The following HTR2C variants were observed in gnomAD, a reference collection of about 807,000 sequenced individuals.
HTR2C encodes 5-hydroxytryptamine receptor 2C.
A neutral mutation model predicts 21.0 loss-of-function variants in HTR2C; 5 were observed. The ratio of observed to expected loss-of-function variants is 0.24; its 90% CI spans 0.12 to 0.50. HTR2C has a LOEUF of 0.50. Among genes scored for constraint, HTR2C ranks in the 20% least tolerant of loss-of-function variants. The pLI is 0.98. For synonymous variants in HTR2C, 150 were observed against 145.3 expected (o/e 1.03, Z -0.23); for missense variants, 271 against 371.2 (o/e 0.73, Z 2.22).
At chrX:114,633,765 T>TTCTCTCTC (rs782141679) in intron 2 of HTR2C, among the ~76,000 whole-genome samples, 1 of 109,724 alleles carries the variant, frequency 9.1e-6, no homozygotes, top group African/African-American at 3.3e-5. Flanking sequence ...AAAGGCATCA[T>TTCTCTCTC]TCTCTCTCTC....
At chrX:114,869,194 G>A (rs1174687095) in intron 5 of HTR2C, among the ~76,000 whole-genome samples, 2 of 111,571 alleles carry the variant, frequency 1.8e-5, no homozygotes, top group African/African-American at 6.5e-5. Context: ...TGGCTGCATA[G>A]TATTCCATGG....
Position 114,826,081 on chromosome X carries a change from CTTT to C in HTR2C, c.350-21909_350-21907del, listed in dbSNP as rs35488941. 8.4e-5 allele frequency among the ~76,000 whole-genome samples: 8 copies of C among 94,751 alleles called. 1 individual carries two copies. Among genetic ancestry groups the C allele is most frequent in the Non-Finnish European group, 1.3e-4 (6 of 47,518 alleles). The allele number at this position is 94,751 out of a possible 115,157, so 82.3% of individuals were successfully genotyped here. A position where few individuals can be genotyped will look rare whatever the true frequency, so the allele number is the denominator to read the frequency against. On this transcript the variant is annotated intron_variant, in intron 4 of 5. Transcript: ENST00000276198. ...ATCTGAAATAATCCAAAATCAAAAA[CTTT>C]TTTTTTTTTTTTGAGACAGGGTTTT...
intron 4 of HTR2C, among the ~76,000 whole-genome samples, chrX:114,759,672 C>T (rs1556431629): frequency 9.0e-6 from 1 of 110,967 alleles, no homozygotes; most frequent in East Asian, 2.8e-4. Flanking sequence ...GGCCCCAATT[C>T]GTCAATCTCA....
At chrX:114,718,948 TATATTAATATTA>T (rs1314175410) in intron 2 of HTR2C, among the ~76,000 whole-genome samples, 1 of 98,016 alleles carries the variant, frequency 1.0e-5, no homozygotes, top group Admixed American at 1.3e-4. Context: ...TAATATAAAT[TATATTAATATTA>T]ATATTAATAT....
intron 4 of HTR2C, among the ~76,000 whole-genome samples, chrX:114,798,241 T>C (rs1415721308): frequency 9.0e-6 from 1 of 110,618 alleles, no homozygotes; most frequent in Non-Finnish European, 1.9e-5. Flanking sequence ...GTGAGGTGAA[T>C]TGATTGTTCT....
At chrX:114,587,434 A>G (rs1372017775) in intron 1 of HTR2C, among the ~76,000 whole-genome samples, 1 of 111,849 alleles carries the variant, frequency 8.9e-6, no homozygotes, top group African/African-American at 3.2e-5. Flanking sequence ...AAGAACTGCT[A>G]AATTATGTTC....
intron 2 of HTR2C, among the ~76,000 whole-genome samples, chrX:114,680,870 AT>A (rs1156608520): frequency 9.0e-6 from 1 of 111,331 alleles, no homozygotes. Context: ...TTTAATGTTA[AT>A]TTTTTTTAAA....
At chrX:114,776,009 C>G (rs1292997232) in intron 4 of HTR2C, 2 of 408,984 alleles carry the variant, frequency 4.9e-6, no homozygotes, top group Admixed American at 8.2e-5. Flanking sequence ...TCTTATAGCT[C>G]TCTTCTTCTC....
chrX:114,906,885 G>T lies in HTR2C; in HGVS notation c.847G>T (p.Asp283Tyr), dbSNP rs782047384. 8.3e-7 allele frequency: 1 copy of T among 1,208,696 alleles called. No individual in the cohort carries two copies. The highest frequency in any genetic ancestry group is 1.8e-5 in the African/African-American group (1 of 56,553). The change falls in exon 6 of 6, where the codon GAC (aspartate) becomes TAC (tyrosine). Residue 283 changes from aspartate to tyrosine, a missense_variant. Asp to Tyr is a radical substitution (Grantham distance 160, BLOSUM62 -3). Transcript: ENST00000276198. ...AGAGAACTCTGCAAACCCTAACCAAGACCAGAACGCACGCCGAAGAAAGAA... is the reference window on the plus strand; with the variant it reads ...AGAGAACTCTGCAAACCCTAACCAATACCAGAACGCACGCCGAAGAAAGAA... ...EEENSANPNQ[D>Y]QNARRRKKKE... is the part of the protein sequence containing the mutation.
chrX:114,707,808 T>A (rs1208601784), intron 2 of HTR2C, among the ~76,000 whole-genome samples: 1 of 110,683 alleles, frequency 9.0e-6, no homozygotes, highest in Non-Finnish European at 1.9e-5. Context: ...ACTCTACCAT[T>A]TCAGTTTTAG....
chrX:114,616,218 T>G (rs1928943347), intron 2 of HTR2C, among the ~76,000 whole-genome samples: 1 of 109,779 alleles, frequency 9.1e-6, no homozygotes, highest in Non-Finnish European at 1.9e-5. Flanking sequence ...AGCCTGATAT[T>G]CTTTGGGTTG....
At chrX:114,726,391 A>C (rs1436926993) in intron 2 of HTR2C, among the ~76,000 whole-genome samples, 1 of 112,023 alleles carries the variant, frequency 8.9e-6, no homozygotes, top group Non-Finnish European at 1.9e-5. Flanking sequence ...CGGTGCGTGC[A>C]CCCACTGACC....
intron 5 of HTR2C, among the ~76,000 whole-genome samples, chrX:114,859,695 A>G (rs1602887167): frequency 9.0e-6 from 1 of 110,686 alleles, no homozygotes; most frequent in African/African-American, 3.3e-5. Context: ...TGTCATTGAC[A>G]TCTAATTTTA....
At chrX:114,787,037 T>G (rs2070182102) in intron 4 of HTR2C, among the ~76,000 whole-genome samples, 1 of 111,791 alleles carries the variant, frequency 8.9e-6, no homozygotes, top group Non-Finnish European at 1.9e-5. Flanking sequence ...AATTACAATT[T>G]TCGACATCTG....
intron 5 of HTR2C, among the ~76,000 whole-genome samples, chrX:114,882,640 T>C: frequency 9.0e-6 from 1 of 111,054 alleles, no homozygotes; most frequent in Non-Finnish European, 1.9e-5. Flanking sequence ...TTACTTTAAT[T>C]GGCTTTCAGA....
At chrX:114,731,819 A>G (rs1221927432) in intron 4 of HTR2C, among the ~76,000 whole-genome samples, 1 of 111,680 alleles carries the variant, frequency 9.0e-6, no homozygotes, top group Non-Finnish European at 1.9e-5. Context: ...TATATATTAA[A>G]ATCATACATA....
intron 2 of HTR2C, among the ~76,000 whole-genome samples, chrX:114,664,509 C>T (rs782596139): frequency 6.3e-5 from 7 of 111,825 alleles, no homozygotes; most frequent in Non-Finnish European, 1.1e-4. Flanking sequence ...CTGAGGATAA[C>T]GGCTTCAAGC....
At chrX:114,633,726 A>G (rs1929720580) in intron 2 of HTR2C, among the ~76,000 whole-genome samples, 1 of 110,509 alleles carries the variant, frequency 9.0e-6, no homozygotes, top group South Asian at 3.8e-4. Flanking sequence ...ACAGAAATCA[A>G]TGTAAAGATG....
rs377652059 is a variant in HTR2C at position 114,794,639 on chromosome X, T to G, written c.350-53364T>G. ...AGAACATGCAGTGTTTGGTTTTCTG[T>G]CCTTGCAATACTTTGCTCAGAATGA... On this transcript the variant is annotated intron_variant, in intron 4 of 5. Transcript: ENST00000276198. 4.0e-4 allele frequency among the ~76,000 whole-genome samples: 42 copies of G among 105,511 alleles called. 1 individual carries two copies. The South Asian group carries it at 0.018, about 44-fold the overall frequency. The allele number at this position is 105,511 out of a possible 115,157, so 91.6% of individuals were successfully genotyped here.
Sources: allele counts gnomAD v4.1 joint callset (sites outside exome capture counted in the v4.1 genomes callset), GRCh38; gene constraint gnomAD v4.1.1; transcripts MANE v1.5; gene names NCBI Gene and HGNC (gene_info 2026-07-23, HGNC 2026-07-21).